PTPRN2: variants seen among roughly 807,000 people sequenced by gnomAD.
The protein encoded by PTPRN2 is receptor-type tyrosine-protein phosphatase N2.
PTPRN2 carries 74 observed loss-of-function variants against 118.8 expected under a neutral mutation model. The ratio of observed to expected loss-of-function variants is 0.62; its 90% confidence interval spans 0.52 to 0.76. The LOEUF is 0.76. PTPRN2 is among the 30% of genes least tolerant of loss of function. PTPRN2 has a pLI of 0.00. For synonymous variants in PTPRN2, 641 were observed against 608.0 expected, an observed-to-expected ratio of 1.05 and a Z score of -0.80; for missense variants, 1,481 against 1,394.4, an observed-to-expected ratio of 1.06 and a Z score of -0.99.
intron 11 of PTPRN2, among the ~76,000 whole-genome samples, chr7:158,067,339 G>A (rs894619443): frequency 4.6e-5 from 7 of 152,248 alleles, no homozygotes; most frequent in African/African-American, 1.7e-4. Flanking sequence ...AGTGTCTACT[G>A]TGGAGGAGCT....
intron 9 of PTPRN2, 145 bp from the exon 10 acceptor site, chr7:158,111,060 C>T (rs1816219111): frequency 7.4e-6 from 5 of 674,628 alleles, no homozygotes; most frequent in South Asian, 3.7e-5. Context: ...CCCTCAGGCA[C>T]AAGGAGTCAC....
Position 158,587,750 on chromosome 7 carries a change from C to T in PTPRN2, c.-81G>A, listed in dbSNP as rs886480271. The T allele has an allele frequency of 3.6e-4, 381 of 1,065,846 alleles. No individual in the cohort carries two copies. Among genetic ancestry groups the T allele is most frequent in the Middle Eastern group, 4.2e-4 (1 of 2,388 alleles). 66.0% of individuals were successfully genotyped at this position (1,065,846 alleles called of 1,614,324 possible). A position where few individuals can be genotyped will look rare whatever the true frequency, so the allele number is the denominator to read the frequency against. On this transcript the variant is annotated 5_prime_UTR_variant, in exon 1 of 23. Coordinates refer to ENST00000389418, the MANE Select transcript of PTPRN2 (RefSeq NM_002847.5). The stretch of plus-strand genomic sequence containing the variant: ...GCGGCCGAGTCCGGGCCCAGGGAGG[C>T]GCGCGCCGCCGGCTCCTCCCGCCGC...
intron 12 of PTPRN2, among the ~76,000 whole-genome samples, chr7:157,802,352 C>A (rs1805367173): frequency 6.6e-6 from 1 of 152,204 alleles, no homozygotes; most frequent in Non-Finnish European, 1.5e-5. Flanking sequence ...CTGGGCCTGG[C>A]TTTTGTTTCA....
intron 2 of PTPRN2, among the ~76,000 whole-genome samples, chr7:158,347,381 T>G (rs1807589495): frequency 6.6e-6 from 1 of 152,216 alleles, no homozygotes; most frequent in Non-Finnish European, 1.5e-5. Flanking sequence ...TTCTTGCCAC[T>G]TTTGCTGAAA....
chr7:157,541,416 C>T (rs1410730908), intron 22 of PTPRN2, among the ~76,000 whole-genome samples: 1 of 152,256 alleles, frequency 6.6e-6, no homozygotes, highest in African/African-American at 2.4e-5. Context: ...GGCACCCCTC[C>T]CTCCACGGAC....
At chr7:158,259,745 A>G (rs1020568399) in intron 3 of PTPRN2, among the ~76,000 whole-genome samples, 1 of 147,960 alleles carries the variant, frequency 6.8e-6, no homozygotes, top group Non-Finnish European at 1.5e-5. Context: ...CCATGTGTCC[A>G]TGAGTACACA....
chr7:158,368,502 A>T (rs988288894), intron 2 of PTPRN2, among the ~76,000 whole-genome samples: 8 of 152,228 alleles, frequency 5.3e-5, no homozygotes, highest in African/African-American at 1.9e-4. Flanking sequence ...CGACAGCCAC[A>T]CTTTGAAAAG....
chr7:158,362,845 G>A (rs1191327822), intron 2 of PTPRN2, among the ~76,000 whole-genome samples: 1 of 152,180 alleles, frequency 6.6e-6, no homozygotes, highest in Non-Finnish European at 1.5e-5. Flanking sequence ...ACATCCCAGG[G>A]GCAGTAGCCC....
intron 3 of PTPRN2, among the ~76,000 whole-genome samples, chr7:158,293,927 A>G (rs1472147761): frequency 6.6e-6 from 1 of 152,242 alleles, no homozygotes; most frequent in Non-Finnish European, 1.5e-5. Context: ...TTCTGCCGGC[A>G]TATCTCCTGA....
At chr7:158,487,411 T>C (rs1011880659) in intron 2 of PTPRN2, among the ~76,000 whole-genome samples, 13 of 152,326 alleles carry the variant, frequency 8.5e-5, no homozygotes, top group Middle Eastern at 3.4e-3. Flanking sequence ...AAGTGTTCAA[T>C]TTCTCCACAT....
intron 1 of PTPRN2, among the ~76,000 whole-genome samples, chr7:158,490,303 G>A (rs1821352169): frequency 6.6e-6 from 1 of 152,216 alleles, no homozygotes; most frequent in South Asian, 2.1e-4. Context: ...GGAGAGGGTC[G>A]GGAGAGGAAA....
intron 12 of PTPRN2, among the ~76,000 whole-genome samples, chr7:157,837,951 C>G (rs10226641): frequency 0.028 from 4,165 of 150,008 alleles, 107 homozygotes; most frequent in South Asian, 0.11. Flanking sequence ...TACTCCAGTT[C>G]CTCTCACAGT....
chr7:158,461,369 G>A (rs926955114), intron 2 of PTPRN2, among the ~76,000 whole-genome samples: 25 of 152,134 alleles, frequency 1.6e-4, no homozygotes, highest in African/African-American at 5.3e-4. Context: ...GGTGGCAGGC[G>A]CCTGTAGTCC....
intron 2 of PTPRN2, among the ~76,000 whole-genome samples, chr7:158,336,573 T>G (rs62481664): frequency 0.16 from 6,469 of 40,692 alleles, 413 homozygotes; most frequent in Middle Eastern, 0.25. Flanking sequence ...ACCATAAGAG[T>G]TGACACCTGC....
intron 3 of PTPRN2, among the ~76,000 whole-genome samples, chr7:158,274,832 C>T (rs1798854916): frequency 1.3e-5 from 2 of 152,198 alleles, no homozygotes; most frequent in Admixed American, 1.3e-4. Flanking sequence ...CACATAGAAA[C>T]ACAGGTCATT....
chr7:158,087,110 A>G (rs1361270590), intron 10 of PTPRN2, among the ~76,000 whole-genome samples: 1 of 152,202 alleles, frequency 6.6e-6, no homozygotes, highest in African/African-American at 2.4e-5. Flanking sequence ...CCTCTGAACC[A>G]AAGCTGTCAG....
chr7:157,578,746 C>T (rs1221738981), intron 17 of PTPRN2, among the ~76,000 whole-genome samples: 3 of 152,246 alleles, frequency 2.0e-5, no homozygotes. Context: ...TTTAAACCCA[C>T]AGAAATTACA....
intron 11 of PTPRN2, among the ~76,000 whole-genome samples, chr7:158,050,677 A>G (rs1458023189): frequency 6.6e-5 from 10 of 152,176 alleles, no homozygotes; most frequent in African/African-American, 2.4e-4. Flanking sequence ...GTGGGTAGGG[A>G]AGGCCTCCTT....
intron 10 of PTPRN2, among the ~76,000 whole-genome samples, chr7:158,095,548 A>G (rs1350606731): frequency 6.6e-6 from 1 of 152,102 alleles, no homozygotes; most frequent in African/African-American, 2.4e-5. Flanking sequence ...CCAGGGCCTC[A>G]CAGCAAGTTG....
Sources: gnomAD v4.1 joint callset for allele counts (sites outside exome capture counted in the v4.1 genomes callset) on GRCh38, gnomAD v4.1.1 for gene constraint, MANE v1.5 for transcripts, NCBI Gene and HGNC (gene_info 2026-07-23, HGNC 2026-07-21) for gene names.